C12orf56: variants seen among roughly 807,000 people sequenced by gnomAD.
C12orf56 encodes the protein chromosome 12 open reading frame 56.
C12orf56 carries 71 observed loss-of-function variants against 69.9 expected under a neutral mutation model. The observed-to-expected ratio is 1.02, with a 90% CI of 0.84 to 1.24. The LOEUF is 1.24. Among genes scored for constraint, C12orf56 ranks in the 50% most tolerant of loss-of-function variants. The pLI, the probability that C12orf56 is intolerant of heterozygous loss-of-function variation, is 0.00. For missense variants in C12orf56, 732 were observed against 738.5 expected (o/e 0.99, Z 0.10); for synonymous variants, 276 against 274.1 (o/e 1.01, Z -0.07).
chr12:64,385,916 T>C (rs1488014072), intron 1 of C12orf56, among the ~76,000 whole-genome samples: 2 of 152,134 alleles, frequency 1.3e-5, no homozygotes, highest in Non-Finnish European at 2.9e-5. Context: ...GTTACAACTT[T>C]AGAATCCTCC....
At chr12:64,285,793 A>AAAAT (rs1056332939) in intron 7 of C12orf56, among the ~76,000 whole-genome samples, 161 bp downstream of exon 7, 12 of 152,108 alleles carry the variant, frequency 7.9e-5, no homozygotes, top group Non-Finnish European at 1.2e-4. Flanking sequence ...GTCTCAAGAG[A>AAAAT]AAATAAATAA....
At chr12:64,324,495 A>T (rs943660776) in intron 3 of C12orf56, among the ~76,000 whole-genome samples, 5 of 152,208 alleles carry the variant, frequency 3.3e-5, no homozygotes, top group Admixed American at 1.3e-4. Flanking sequence ...AGAGTGAGCC[A>T]TGTGAAAAGC....
intron 1 of C12orf56, among the ~76,000 whole-genome samples, chr12:64,367,335 G>A: frequency 9.3e-6 from 1 of 107,294 alleles, no homozygotes; most frequent in East Asian, 3.0e-4. Context: ...ATAATATACA[G>A]TTTATATATT....
chr12:64,283,411 C>T (rs2038157005), intron 8 of C12orf56, among the ~76,000 whole-genome samples: 1 of 152,156 alleles, frequency 6.6e-6, no homozygotes, highest in Non-Finnish European at 1.5e-5. Flanking sequence ...AATCAAAAGA[C>T]AAAGAATGCT....
At position 64,267,195 on chromosome 12, in the gene C12orf56, T is replaced by C. The variant is rs1291603702; in HGVS notation, c.1857A>G (p.Lys619=). 3 of 1,605,794 alleles carry C rather than the reference T, an allele frequency of 1.9e-6. No homozygotes were observed. Among genetic ancestry groups the C allele is most frequent in the South Asian group, 1.1e-5 (1 of 89,460 alleles). Residue 619 remains lysine (K), a synonymous_variant, in exon 13 of 13, where the codon AAA becomes AAG. Coordinates refer to ENST00000543942, the MANE Select transcript of C12orf56 (RefSeq NM_001170633.2). ...ACATTGTTTGTTTCTATTCAACCAA[T>C]TTCAGAACTTCATGAAAAAGTTGAA... ...PTIQLFHEVL[K]LVE
chr12:64,306,209 A>G (rs1048208201), intron 5 of C12orf56, among the ~76,000 whole-genome samples: 2 of 152,208 alleles, frequency 1.3e-5, no homozygotes, highest in Non-Finnish European at 2.9e-5. Flanking sequence ...AAAGTTATGA[A>G]TAATAATTTC....
intron 8 of C12orf56, among the ~76,000 whole-genome samples, chr12:64,278,236 C>A (rs528400734): frequency 1.5e-4 from 23 of 152,276 alleles, no homozygotes; most frequent in Non-Finnish European, 2.9e-4. Context: ...TACAGGACTT[C>A]TCAGAGGCTT....
chr12:64,366,327 AT>A (rs1196871655), intron 1 of C12orf56, among the ~76,000 whole-genome samples: 3 of 104,770 alleles, frequency 2.9e-5, no homozygotes, highest in Non-Finnish European at 5.1e-5. Context: ...TTTATTATAT[AT>A]TATATACAGT....
intron 1 of C12orf56, among the ~76,000 whole-genome samples, chr12:64,373,852 C>T (rs1360305255): frequency 6.6e-6 from 1 of 152,148 alleles, no homozygotes; most frequent in Non-Finnish European, 1.5e-5. Context: ...AATCTACTAA[C>T]ACAGTGGCCA....
Position 64,295,796 on chromosome 12 carries a change from T to G in C12orf56, c.1113+7839A>C, listed in dbSNP as rs143407709. 9.0e-3 allele frequency among the ~76,000 whole-genome samples: 1,355 copies of G among 150,890 alleles called. 13 individuals carry two copies. The highest frequency in any genetic ancestry group is 0.014 in the Non-Finnish European group (957 of 67,758). On this transcript the variant is annotated intron_variant, in intron 6 of 12. Coordinates refer to ENST00000543942, the MANE Select transcript of C12orf56 (RefSeq NM_001170633.2). ...TCATTTTAAAAGGGAGGGAGAAAACTATATATAATATATATTTTTATATCT... is the reference window on the plus strand; with the variant it reads ...TCATTTTAAAAGGGAGGGAGAAAACGATATATAATATATATTTTTATATCT...
intron 1 of C12orf56, among the ~76,000 whole-genome samples, chr12:64,385,765 G>A (rs549736147): frequency 3.9e-5 from 6 of 152,128 alleles, no homozygotes; most frequent in South Asian, 4.2e-4. Context: ...CTGAATGCTC[G>A]GGGAGCCTGA....
chr12:64,298,652 G>T (rs1288154910), intron 6 of C12orf56, among the ~76,000 whole-genome samples: 1 of 150,370 alleles, frequency 6.7e-6, no homozygotes, highest in Non-Finnish European at 1.5e-5. Flanking sequence ...TTTCCCCATT[G>T]CTTGTTTGTG....
At chr12:64,312,848 C>T (rs2038638137) in intron 4 of C12orf56, 96 bp from the exon 5 acceptor site, 1 of 826,812 alleles carries the variant, frequency 1.2e-6, no homozygotes, top group Non-Finnish European at 1.9e-6. Flanking sequence ...TTCTTTAAGC[C>T]CTCCTATAGT....
intron 8 of C12orf56, among the ~76,000 whole-genome samples, chr12:64,280,119 TAA>T (rs1456159129): frequency 6.6e-6 from 1 of 152,078 alleles, no homozygotes; most frequent in Non-Finnish European, 1.5e-5. Context: ...ATGAAAACAA[TAA>T]AGAGGAAAAT....
At chr12:64,379,859 G>A (rs2039688077) in intron 1 of C12orf56, among the ~76,000 whole-genome samples, 1 of 149,030 alleles carries the variant, frequency 6.7e-6, no homozygotes, top group Non-Finnish European at 1.5e-5. Flanking sequence ...CGAGGTGGGC[G>A]GATCACAAGG....
At chr12:64,321,079 A>C (rs2038766374) in intron 3 of C12orf56, among the ~76,000 whole-genome samples, 2 of 152,190 alleles carry the variant, frequency 1.3e-5, no homozygotes, top group Non-Finnish European at 2.9e-5. Context: ...GTCTTTTGAC[A>C]TCTTAGTGGA....
At chr12:64,374,563 C>T (rs114183850) in intron 1 of C12orf56, among the ~76,000 whole-genome samples, 7,067 of 149,696 alleles carry the variant, frequency 0.047, 557 homozygotes, top group African/African-American at 0.16. Flanking sequence ...TTTTTTTTTC[C>T]GAGATGGAGT....
intron 4 of C12orf56, 49 bp downstream of exon 4, chr12:64,318,526 A>C: frequency 7.0e-7 from 1 of 1,424,674 alleles, no homozygotes; most frequent in South Asian, 1.5e-5. Context: ...TGCTCTAAAA[A>C]ATAAAAATAT....
At chr12:64,340,003 A>G (rs1414841616) in intron 2 of C12orf56, among the ~76,000 whole-genome samples, 1 of 139,330 alleles carries the variant, frequency 7.2e-6, no homozygotes, top group Admixed American at 7.7e-5. Context: ...CAGAATGGGT[A>G]GAGAACTCCC....
Sources: allele counts gnomAD v4.1 joint callset (sites outside exome capture counted in the v4.1 genomes callset), GRCh38; gene constraint gnomAD v4.1.1; transcripts MANE v1.5; gene names NCBI Gene and HGNC (gene_info 2026-07-23, HGNC 2026-07-21).